Variants in TPR observed in about 807,000 individuals in gnomAD.
TPR encodes the protein translocated promoter region, nuclear basket protein, also known as nucleoprotein TPR.
TPR carries 51 observed loss-of-function variants against 316.1 expected under a neutral mutation model. That is an observed-to-expected ratio of 0.16 (90% CI 0.13 to 0.20). TPR has a LOEUF of 0.20. Ranked by LOEUF, TPR falls within the 10% of genes least tolerant of loss-of-function variation. The pLI, the probability that TPR is intolerant of heterozygous loss-of-function variation, is 1.00. For synonymous variants in TPR, 981 were observed against 914.7 expected (o/e 1.07, Z -1.31); for missense variants, 2,272 against 2,754.8 (o/e 0.82, Z 3.92).
intron 45 of TPR, among the ~76,000 whole-genome samples, chr1:186,321,849 T>C (rs982760379): frequency 6.6e-6 from 1 of 152,206 alleles, no homozygotes; most frequent in Admixed American, 6.5e-5. Flanking sequence ...CAACACTTAA[T>C]CAACAACTAT....
intron 9 of TPR, 34 bp downstream of exon 9, chr1:186,361,588 C>T: frequency 3.2e-6 from 5 of 1,572,362 alleles, no homozygotes; most frequent in Non-Finnish European, 4.3e-6. Flanking sequence ...AGTACAATAA[C>T]AAAAATAATG....
Position 186,361,800 on chromosome 1 carries a change from T to C in TPR, c.859A>G (p.Asn287Asp). ...GGTGGGATATTTACCTTGTACAAAT[T>C]AGAAAGTTTTATGTGGGCATTTAAT... ...NELNAHIKLS[N>D]LYKSAADDSE... Residue 287 changes from asparagine to aspartate, a missense_variant, in exon 8 of 51, where the codon AAT becomes GAT. Asn to Asp is a conservative substitution (Grantham distance 23, BLOSUM62 1). Coordinates refer to ENST00000367478, the MANE Select transcript of TPR (RefSeq NM_003292.3). 1 of 1,613,178 alleles carries C rather than the reference T, an allele frequency of 6.2e-7. No homozygotes were observed. Among genetic ancestry groups the C allele is most frequent in the Non-Finnish European group, 8.5e-7 (1 of 1,179,330 alleles).
At chr1:186,323,191 C>A (rs532619267) in intron 43 of TPR, among the ~76,000 whole-genome samples, 1 of 152,168 alleles carries the variant, frequency 6.6e-6, no homozygotes. Flanking sequence ...AAGAGATGCC[C>A]GACCCTACTA....
In TPR at chr1:186,371,457, C is replaced by T. The variant is rs377136806; in HGVS notation, c.257-414G>A. On this transcript the variant is annotated intron_variant, in intron 2 of 50. Coordinates refer to ENST00000367478, the MANE Select transcript of TPR (RefSeq NM_003292.3). ...TATATAACATGTATATACAGCAAAT[C>T]ACAATAATGAATATTTGCAATTCCT... 1.7e-4 allele frequency among the ~76,000 whole-genome samples: 26 copies of T among 152,154 alleles called. 1 individual carries two copies. The highest frequency in any genetic ancestry group is 1.5e-3 in the East Asian group (8 of 5,176).
chr1:186,357,836 A>G (rs1415968544), intron 13 of TPR, among the ~76,000 whole-genome samples: 1 of 152,228 alleles, frequency 6.6e-6, no homozygotes, highest in East Asian at 1.9e-4. Flanking sequence ...ATTGAAGGCT[A>G]TTACTTATTA....
chr1:186,331,134 T>C (rs899100363), intron 39 of TPR, among the ~76,000 whole-genome samples: 16 of 151,898 alleles, frequency 1.1e-4, no homozygotes, highest in African/African-American at 3.9e-4. Context: ...GTAAGGGAAA[T>C]AATACAGGGG....
intron 33 of TPR, among the ~76,000 whole-genome samples, chr1:186,335,814 G>A (rs566566863): frequency 4.0e-5 from 6 of 151,862 alleles, no homozygotes; most frequent in Non-Finnish European, 5.9e-5. Flanking sequence ...ACAGAAGCCC[G>A]TTTATATTTC....
chr1:186,349,905 G>A (rs938123426), intron 21 of TPR, among the ~76,000 whole-genome samples: 12 of 151,860 alleles, frequency 7.9e-5, no homozygotes, highest in South Asian at 4.2e-4. Context: ...CAAGGGGCCC[G>A]GGTTAAAAAA....
chr1:186,369,050 T>G (rs1659439037), intron 3 of TPR, among the ~76,000 whole-genome samples: 1 of 152,208 alleles, frequency 6.6e-6, no homozygotes, highest in Non-Finnish European at 1.5e-5. Context: ...TTGTTGAAAT[T>G]AGTTGACCAT....
intron 48 of TPR, 99 bp downstream of exon 48, chr1:186,318,348 A>C (rs567292753): frequency 1.5e-5 from 22 of 1,473,766 alleles, no homozygotes; most frequent in South Asian, 4.1e-5. Flanking sequence ...ACAAAAAAAA[A>C]CAAAACACAA....
chr1:186,361,967 G>T, intron 7 of TPR, 98 bp from the exon 8 acceptor site: 1 of 1,182,176 alleles, frequency 8.5e-7, no homozygotes. Context: ...TAAAGTAAGA[G>T]CTAAATCTAA....
At chr1:186,318,897 G>T in intron 46 of TPR, 69 bp from the exon 47 acceptor site, 1 of 1,438,936 alleles carries the variant, frequency 6.9e-7, no homozygotes, top group Non-Finnish European at 9.7e-7. Context: ...TCAGGGATGT[G>T]AAAGAAAAAT....
intron 3 of TPR, 51 bp downstream of exon 3, chr1:186,370,919 C>A (rs1358909892): frequency 1.4e-6 from 2 of 1,452,900 alleles, no homozygotes; most frequent in Non-Finnish European, 1.9e-6. Flanking sequence ...AATAGAATGT[C>A]CCTTCAAGTA....
intron 11 of TPR, 71 bp downstream of exon 11, chr1:186,360,202 T>A (rs1185995368): frequency 1.1e-5 from 16 of 1,521,274 alleles, no homozygotes; most frequent in African/African-American, 1.4e-5. Context: ...TTTGGGAGAA[T>A]TAAATTTTGA....
Position 186,313,597 on chromosome 1 carries a change from T to G in TPR, c.*374A>C, listed in dbSNP as rs1657442525. 1.2e-6 allele frequency: 1 copy of G among 816,604 alleles called. No homozygotes were observed. The highest frequency in any genetic ancestry group is 1.7e-5 in the African/African-American group (1 of 59,174). The allele number at this position is 816,604 out of a possible 1,614,324, so 50.6% of individuals were successfully genotyped here. A position where few individuals can be genotyped will look rare whatever the true frequency, so the allele number is the denominator to read the frequency against. On this transcript the variant is annotated 3_prime_UTR_variant, in exon 51 of 51. Transcript: ENST00000367478. ...CTATTAAAATGATAAACATTGTCTT[T>G]GAGCATAATAGTCAACATAAGTTAT...
intron 1 of TPR, among the ~76,000 whole-genome samples, chr1:186,374,430 C>T (rs1659634232): frequency 6.6e-6 from 1 of 152,224 alleles, no homozygotes; most frequent in Non-Finnish European, 1.5e-5. Flanking sequence ...CTGATTCGTT[C>T]TGGAGCCACG....
chr1:186,324,945 A>G (rs1463161480), intron 42 of TPR, among the ~76,000 whole-genome samples: 1 of 152,172 alleles, frequency 6.6e-6, no homozygotes, highest in Non-Finnish European at 1.5e-5. Context: ...TGTTCAAAGT[A>G]TATCAATTTC....
In TPR at chr1:186,334,337, C is replaced by T. The variant is rs1658275941; in HGVS notation, c.5170G>A (p.Glu1724Lys). 1 of 1,611,612 alleles carries T rather than the reference C, an allele frequency of 6.2e-7. No homozygotes were observed. Among genetic ancestry groups the T allele is most frequent in the African/African-American group, 1.3e-5 (1 of 74,824 alleles). The change falls in exon 36 of 51, where the codon GAA becomes AAA. Residue 1724 changes from glutamate to lysine, a missense_variant. By Grantham distance (56) the Glu-to-Lys change is moderately conservative. Around this residue, in one of 10 missense-constraint regions of TPR, gnomAD observed 109 missense variants for 215.3 expected, o/e 0.51. Transcript: ENST00000367478. ...TTATTTTACTAACCTTCCTGTGATT[C>T]CACTTGTGTAGTGGGCATCACTGTA... is the stretch of plus-strand genomic sequence containing the variant. ...TATVMPTTQV[E>K]SQEAMQSEGP...
chr1:186,361,899 T>C, intron 7 of TPR, 30 bp from the exon 8 acceptor site: 1 of 1,594,826 alleles, frequency 6.3e-7, no homozygotes, highest in Non-Finnish European at 8.5e-7. Flanking sequence ...TATAGCAGTC[T>C]ACTTTGAACT....
Sources: gnomAD v4.1 joint callset for allele counts (sites outside exome capture counted in the v4.1 genomes callset) on GRCh38, gnomAD v4.1.1 for gene constraint, gnomAD v4.1.1 regional missense constraint, MANE v1.5 for transcripts, NCBI Gene and HGNC (gene_info 2026-07-23, HGNC 2026-07-21) for gene names.